The following CCDC141 variants were observed in gnomAD, a reference collection of about 807,000 sequenced individuals.
CCDC141 encodes coiled-coil domain-containing protein 141.
A neutral mutation model predicts 181.0 loss-of-function variants in CCDC141; 168 were observed. The ratio of observed to expected loss-of-function variants is 0.93; its 90% confidence interval spans 0.82 to 1.05. The LOEUF is 1.05. Ranked by LOEUF, CCDC141 falls within the 50% of genes least tolerant of loss-of-function variation. The pLI is 0.00. For missense variants in CCDC141, 1,902 were observed against 1,788.5 expected (o/e 1.06, Z -1.14); for synonymous variants, 666 against 642.3 (o/e 1.04, Z -0.56).
intron 2 of CCDC141, among the ~76,000 whole-genome samples, chr2:179,016,689 A>T (rs183230508): frequency 1.3e-5 from 2 of 152,208 alleles, no homozygotes; most frequent in African/African-American, 4.8e-5. Flanking sequence ...TCGATGCATA[A>T]GCAAGAATAA....
In CCDC141 at chr2:178,855,491, G is replaced by A; in HGVS notation, c.2916C>T (p.Phe972=). ...EKVSNKTSDS[F]LNYPSDKVNV... is the part of the protein sequence containing the mutation. ...TAACTTTATCACTTGGATAATTTAA[G>A]AAAGAATCAGAGGTTTTATTACTAA... Residue 972 remains phenylalanine, a synonymous_variant, in exon 19 of 24, where the codon TTC becomes TTT. Coordinates refer to ENST00000443758, the MANE Select transcript of CCDC141 (RefSeq NM_173648.4). 1 of 1,606,010 alleles carries A rather than the reference G, an allele frequency of 6.2e-7. No homozygotes were observed. The highest frequency in any genetic ancestry group is 1.3e-5 in the African/African-American group (1 of 74,686).
chr2:178,978,930 A>G (rs1006263527), intron 2 of CCDC141, among the ~76,000 whole-genome samples: 1 of 152,212 alleles, frequency 6.6e-6, no homozygotes, highest in Admixed American at 6.5e-5. Flanking sequence ...TCTGTCAAAG[A>G]CACATGTCTA....
chr2:179,016,343 G>GA (rs1424031253), intron 2 of CCDC141, among the ~76,000 whole-genome samples: 1 of 151,542 alleles, frequency 6.6e-6, no homozygotes, highest in African/African-American at 2.4e-5. Context: ...TAACTTATGG[G>GA]AAAAAAATAA....
chr2:178,850,628 G>A (rs1195930761), intron 20 of CCDC141, among the ~76,000 whole-genome samples: 1 of 151,922 alleles, frequency 6.6e-6, no homozygotes, highest in Non-Finnish European at 1.5e-5. Flanking sequence ...CACAGCAGCT[G>A]AGTATTCCTT....
chr2:179,029,204 C>G (rs921072130), intron 2 of CCDC141, among the ~76,000 whole-genome samples: 5 of 152,198 alleles, frequency 3.3e-5, no homozygotes, highest in African/African-American at 9.6e-5. Context: ...ATACTTCCCT[C>G]TCTTGGGCTG....
chr2:178,837,821 T>G, intron 22 of CCDC141, 77 bp from the exon 23 acceptor site: 4 of 1,488,642 alleles, frequency 2.7e-6, no homozygotes, highest in Non-Finnish European at 3.6e-6. Context: ...AAAACTCAAC[T>G]TCAGAGAGAT....
At position 178,878,160 on chromosome 2, in the gene CCDC141, A is replaced by G. The variant is rs1258135169; in HGVS notation, c.1720-17T>C. The G allele has an allele frequency of 6.4e-7, 1 of 1,564,986 alleles. No individual in the cohort carries two copies. Among genetic ancestry groups the G allele is most frequent in the African/African-American group, 1.4e-5 (1 of 72,392 alleles). On this transcript the variant is annotated splice_polypyrimidine_tract_variant and intron_variant, in intron 11 of 23. Transcript: ENST00000443758. ...CATCTCTACCTAAAAAAGAAAAAAGAGAGTTAAGAACACTTAAACACATTT... is the reference window on the plus strand; with the variant it reads ...CATCTCTACCTAAAAAAGAAAAAAGGGAGTTAAGAACACTTAAACACATTT...
chr2:179,015,860 CTCATATATATCTCATATGTA>C (rs1443931170), intron 2 of CCDC141, among the ~76,000 whole-genome samples: 4 of 138,966 alleles, frequency 2.9e-5, no homozygotes, highest in African/African-American at 7.8e-5. Flanking sequence ...TCATATATAT[CTCATATATATCTCATATGTA>C]TCATATATAT....
At chr2:178,866,016 TA>T (rs1558938995) in intron 16 of CCDC141, 100 bp from the exon 17 acceptor site, 2 of 972,556 alleles carry the variant, frequency 2.1e-6, no homozygotes, top group South Asian at 3.7e-5. Context: ...TGACACTTTT[TA>T]AAAAAAGAAA....
At chr2:178,935,758 C>A (rs12464521) in intron 6 of CCDC141, among the ~76,000 whole-genome samples, 35,498 of 152,018 alleles carry the variant, frequency 0.23, 5,494 homozygotes, top group Non-Finnish European at 0.34. Flanking sequence ...TGCAACTTCA[C>A]CAACATCTGT....
intron 17 of CCDC141, 23 bp from the exon 18 acceptor site, chr2:178,856,420 A>G: frequency 3.3e-6 from 5 of 1,512,274 alleles, no homozygotes; most frequent in South Asian, 1.3e-5. Context: ...AAAAAGAAAT[A>G]GGTGGTTTCC....
chr2:178,879,362 T>A (rs1172130133), intron 11 of CCDC141, among the ~76,000 whole-genome samples: 1 of 152,190 alleles, frequency 6.6e-6, no homozygotes. Context: ...TTTCACATTT[T>A]TCTTAATTTA....
At chr2:179,039,601 C>T (rs926621836) in intron 2 of CCDC141, among the ~76,000 whole-genome samples, 2 of 152,066 alleles carry the variant, frequency 1.3e-5, no homozygotes, top group African/African-American at 4.8e-5. Context: ...GACTCAGCAC[C>T]GAATCCTACA....
rs1687135967 is a variant in CCDC141 at position 178,891,290 on chromosome 2, C to T, written c.1266-2622G>A. Among the ~76,000 whole-genome samples the T allele has an allele frequency of 1.3e-5, 2 of 152,046 alleles. 1 individual carries two copies. Among genetic ancestry groups the T allele is most frequent in the African/African-American group, 4.8e-5 (2 of 41,390 alleles). On this transcript the variant is annotated intron_variant, in intron 8 of 23. Coordinates refer to ENST00000443758, the MANE Select transcript of CCDC141 (RefSeq NM_173648.4). ...TCTGTTTTCTAATCTTCATAACAAC[C>T]CTGTGAGCTGAGTAGGATTGTTATC... is the stretch of plus-strand genomic sequence containing the variant.
the CCDC141 span, among the ~76,000 whole-genome samples, chr2:178,818,441 T>C: frequency 1.3e-5 from 2 of 152,036 alleles, no homozygotes; most frequent in Non-Finnish European, 2.9e-5. Context: ...CCCCCAACCC[T>C]CAACAGGCCC....
chr2:178,911,235 TA>T (rs1372378193), intron 7 of CCDC141, among the ~76,000 whole-genome samples: 1 of 152,222 alleles, frequency 6.6e-6, no homozygotes, highest in Admixed American at 6.5e-5. Context: ...ATTAGAGATA[TA>T]AAGACAAAAT....
intron 8 of CCDC141, among the ~76,000 whole-genome samples, chr2:178,890,128 T>C (rs368483418): frequency 2.5e-4 from 38 of 152,150 alleles, no homozygotes; most frequent in African/African-American, 8.4e-4. Context: ...GGAAAGAAGG[T>C]ACAGAGAACA....
In CCDC141 at chr2:178,973,089, A is replaced by G. The variant is rs375584827; in HGVS notation, c.526+1968T>C. On this transcript the variant is annotated intron_variant, in intron 4 of 23. Transcript: ENST00000443758. ...ATTTTATTTCCTTAAATTTAAAGGT[A>G]ATAGATATGAAGCACTCAACTAAAA... 2.6e-5 allele frequency among the ~76,000 whole-genome samples: 4 copies of G among 152,214 alleles called. No homozygotes were observed. In the South Asian group the frequency reaches 8.3e-4, roughly 32 times the overall value.
At chr2:178,849,748 G>T (rs894476223) in intron 21 of CCDC141, among the ~76,000 whole-genome samples, 9 of 152,074 alleles carry the variant, frequency 5.9e-5, no homozygotes, top group African/African-American at 2.2e-4. Flanking sequence ...TTAATACAAA[G>T]TTTACTGGCA....
Sources: gnomAD v4.1 joint callset for allele counts (sites outside exome capture counted in the v4.1 genomes callset) on GRCh38, gnomAD v4.1.1 for gene constraint, MANE v1.5 for transcripts, NCBI Gene and HGNC (gene_info 2026-07-23, HGNC 2026-07-21) for gene names.